FARS2: variants seen among roughly 807,000 people sequenced by gnomAD.
FARS2 encodes phenylalanyl-tRNA synthetase 2, mitochondrial, also known as phenylalanine--tRNA ligase, mitochondrial.
In FARS2, 40 loss-of-function variants were observed where a neutral mutation model predicts 46.4. The ratio of observed to expected loss-of-function variants is 0.86; its 90% CI spans 0.67 to 1.12. FARS2 has a LOEUF of 1.12. FARS2 is among the 50% of genes most tolerant of loss of function. The pLI, the probability that FARS2 is intolerant of heterozygous loss-of-function variation, is 0.00. For missense variants in FARS2, 513 were observed against 567.9 expected (o/e 0.90, Z 0.98); for synonymous variants, 234 against 214.9 (o/e 1.09, Z -0.78).
At chr6:5,686,430 C>T (rs1401648209) in intron 6 of FARS2, among the ~76,000 whole-genome samples, 1 of 151,936 alleles carries the variant, frequency 6.6e-6, no homozygotes, top group Non-Finnish European at 1.5e-5. Flanking sequence ...TCAATTCCCA[C>T]CTATGAGTGA....
At chr6:5,492,987 A>G (rs1767217287) in intron 4 of FARS2, among the ~76,000 whole-genome samples, 1 of 151,864 alleles carries the variant, frequency 6.6e-6, no homozygotes, top group African/African-American at 2.4e-5. Flanking sequence ...TGGCTCACAG[A>G]GGCATCTACA....
intron 4 of FARS2, among the ~76,000 whole-genome samples, chr6:5,449,592 G>T (rs1764370682): frequency 6.6e-6 from 1 of 152,026 alleles, no homozygotes; most frequent in African/African-American, 2.4e-5. Context: ...CATTGTTCAT[G>T]CATTCATTCA....
chr6:5,494,861 G>A (rs542856585), intron 4 of FARS2, among the ~76,000 whole-genome samples: 19 of 152,240 alleles, frequency 1.2e-4, no homozygotes, highest in South Asian at 2.1e-4. Context: ...AATGTCAAAA[G>A]AAAACTAGAT....
intron 6 of FARS2, among the ~76,000 whole-genome samples, chr6:5,680,340 A>G (rs989971459): frequency 6.6e-6 from 1 of 152,218 alleles, no homozygotes. Flanking sequence ...TGGGTTACGC[A>G]TAAGCATCCA....
intron 1 of FARS2, among the ~76,000 whole-genome samples, chr6:5,280,569 G>A (rs1447961678): frequency 2.6e-5 from 4 of 152,164 alleles, no homozygotes; most frequent in Non-Finnish European, 5.9e-5. Context: ...AACATACTAA[G>A]CCTTTCCCAT....
At chr6:5,462,215 A>C (rs1455555514) in intron 4 of FARS2, among the ~76,000 whole-genome samples, 2 of 152,170 alleles carry the variant, frequency 1.3e-5, no homozygotes, top group African/African-American at 4.8e-5. Flanking sequence ...TTAAATACCT[A>C]TTCAAATATT....
intron 6 of FARS2, among the ~76,000 whole-genome samples, chr6:5,735,071 G>A (rs1336961194): frequency 2.0e-5 from 3 of 152,174 alleles, no homozygotes; most frequent in Admixed American, 1.3e-4. Flanking sequence ...ATGCAAAACA[G>A]TATTATTAGT....
chr6:5,735,105 GA>G, intron 6 of FARS2, among the ~76,000 whole-genome samples: 1 of 152,282 alleles, frequency 6.6e-6, no homozygotes, highest in South Asian at 2.1e-4. Flanking sequence ...ACAAAGTCTA[GA>G]AACTTTAATT....
intron 1 of FARS2, among the ~76,000 whole-genome samples, chr6:5,320,669 T>G (rs1769905046): frequency 6.6e-6 from 1 of 152,186 alleles, no homozygotes; most frequent in South Asian, 2.1e-4. Context: ...CTTGAGAAAA[T>G]GATGCTTTCT....
intron 3 of FARS2, among the ~76,000 whole-genome samples, chr6:5,426,407 A>G (rs186589789): frequency 7.9e-5 from 12 of 152,286 alleles, no homozygotes; most frequent in Admixed American, 7.2e-4. Flanking sequence ...CACACTCAAC[A>G]TAGTTTTGAG....
intron 1 of FARS2, among the ~76,000 whole-genome samples, chr6:5,307,605 T>C (rs1032837729): frequency 6.6e-5 from 10 of 152,228 alleles, no homozygotes; most frequent in Non-Finnish European, 1.0e-4. Context: ...CACGTAACAT[T>C]GGGTAGTATT....
intron 6 of FARS2, among the ~76,000 whole-genome samples, chr6:5,650,065 A>G (rs1777273593): frequency 6.6e-6 from 1 of 152,120 alleles, no homozygotes; most frequent in African/African-American, 2.4e-5. Flanking sequence ...CTTTCCTGTT[A>G]GGAAACCTTT....
chr6:5,476,377 G>T (rs1766124571), intron 4 of FARS2, among the ~76,000 whole-genome samples: 1 of 152,158 alleles, frequency 6.6e-6, no homozygotes. Context: ...GTCAGTTGGT[G>T]AATTATCCTG....
In FARS2 at chr6:5,448,764, A is replaced by C. The variant is rs568748146; in HGVS notation, c.904+17592A>C. Among the ~76,000 whole-genome samples the C allele has an allele frequency of 2.0e-5, 3 of 152,352 alleles. No homozygotes were observed. The East Asian group carries it at 5.8e-4, about 29-fold the overall frequency. ...ATATGCATTTATAATTCTTATAGACATCATGCCTATTAAGTAGACCTGGGG... is the reference window on the plus strand; with the variant it reads ...ATATGCATTTATAATTCTTATAGACCTCATGCCTATTAAGTAGACCTGGGG... On this transcript the variant is annotated intron_variant, in intron 4 of 6. Transcript: ENST00000274680.
chr6:5,633,766 A>G (rs1223405220), intron 6 of FARS2, among the ~76,000 whole-genome samples: 1 of 152,210 alleles, frequency 6.6e-6, no homozygotes, highest in Non-Finnish European at 1.5e-5. Flanking sequence ...GGTGAAACAA[A>G]ATATTTTCCT....
chr6:5,489,376 C>T (rs558739746), intron 4 of FARS2, among the ~76,000 whole-genome samples: 2 of 152,136 alleles, frequency 1.3e-5, no homozygotes, highest in Non-Finnish European at 2.9e-5. Flanking sequence ...ATCACTTGAA[C>T]CTGGGAGGCA....
intron 1 of FARS2, among the ~76,000 whole-genome samples, chr6:5,330,452 C>T (rs753194482): frequency 2.2e-4 from 34 of 152,114 alleles, no homozygotes; most frequent in Non-Finnish European, 4.3e-4. Flanking sequence ...ATGCTGGCTC[C>T]ACGGGTACCC....
intron 1 of FARS2, among the ~76,000 whole-genome samples, chr6:5,333,257 T>C (rs1160566225): frequency 6.6e-6 from 1 of 152,250 alleles, no homozygotes. Context: ...GTGTCTCTTA[T>C]GGCCCTCTAG....
At chr6:5,512,982 C>A (rs1768549739) in intron 4 of FARS2, among the ~76,000 whole-genome samples, 1 of 152,024 alleles carries the variant, frequency 6.6e-6, no homozygotes, top group South Asian at 2.1e-4. Flanking sequence ...AAGAAAGTGT[C>A]CTTGTCTGAT....
Sources: allele counts gnomAD v4.1 joint callset (sites outside exome capture counted in the v4.1 genomes callset), GRCh38; gene constraint gnomAD v4.1.1; transcripts MANE v1.5; gene names NCBI Gene and HGNC (gene_info 2026-07-23, HGNC 2026-07-21).